Variants in CUX2 observed in about 807,000 individuals in gnomAD.
The protein encoded by CUX2 is homeobox protein cut-like 2.
CUX2 carries 40 observed loss-of-function variants against 144.8 expected under a neutral mutation model. The observed-to-expected ratio is 0.28, with a 90% CI of 0.21 to 0.36. The LOEUF is 0.36. Among genes scored for constraint, CUX2 ranks in the 10% least tolerant of loss-of-function variants. CUX2 has a pLI of 1.00. For synonymous variants in CUX2, 827 were observed against 875.6 expected (o/e 0.94, Z 0.98); for missense variants, 1,615 against 1,994.0 (o/e 0.81, Z 3.62).
At chr12:111,118,242 T>G (rs1874416712) in intron 1 of CUX2, among the ~76,000 whole-genome samples, 1 of 152,198 alleles carries the variant, frequency 6.6e-6, no homozygotes, top group African/African-American at 2.4e-5. Flanking sequence ...GTAATTATAT[T>G]TCAAACCAGG....
In CUX2 at chr12:111,217,788, C is replaced by T. The variant is rs1881628165; in HGVS notation, c.175-102C>T. 4 of 1,254,238 alleles carry T rather than the reference C, an allele frequency of 3.2e-6. No individual in the cohort carries two copies. The South Asian group carries it at 3.6e-5, about 11-fold the overall frequency. 77.7% of individuals were successfully genotyped at this position (1,254,238 alleles called of 1,614,324 possible). On this transcript the variant is annotated intron_variant, in intron 2 of 21. Coordinates refer to ENST00000261726, the MANE Select transcript of CUX2 (RefSeq NM_015267.4). ...TGGAGTTCAGGCCCCACGGGACATG[C>T]TTGGGAAATGCTGAGCCAGGGACAG...
rs1374839042 is a variant in CUX2 at position 111,293,042 on chromosome 12, G to A, written c.437-404G>A. On this transcript the variant is annotated intron_variant, in intron 5 of 21. Transcript: ENST00000261726. The surrounding 1 kb of genome is among the most constrained non-coding windows in gnomAD (Gnocchi z 4.5). ...GGAGGCTGAGGCGGGAGAATCGCTT[G>A]AACCCAGGAGGCAGAGGTTGCAGTA... Among the ~76,000 whole-genome samples, 1 of 151,920 alleles carries A rather than the reference G, an allele frequency of 6.6e-6. No individual in the cohort carries two copies. The highest frequency in any genetic ancestry group is 1.5e-5 in the Non-Finnish European group (1 of 68,028).
chr12:111,246,990 T>C lies in CUX2; in HGVS notation c.223-16771T>C, dbSNP rs1883310351. On this transcript the variant is annotated intron_variant, in intron 3 of 21. Coordinates refer to ENST00000261726, the MANE Select transcript of CUX2 (RefSeq NM_015267.4). This position sits in a 1 kb window ranked among gnomAD's most constrained non-coding sequence, Gnocchi z 4.0. ...ATAGGGCTGTGTACATCAAGGATCA[T>C]AATGATAATAAAATCAACATCTATT... 6.6e-6 allele frequency among the ~76,000 whole-genome samples: 1 copy of C among 152,228 alleles called. No individual in the cohort carries two copies. The highest frequency in any genetic ancestry group is 1.5e-5 in the Non-Finnish European group (1 of 68,044).
intron 1 of CUX2, among the ~76,000 whole-genome samples, chr12:111,110,453 A>T (rs1448134205): frequency 6.6e-6 from 1 of 152,084 alleles, no homozygotes; most frequent in Non-Finnish European, 1.5e-5. Flanking sequence ...AGAGTGACTC[A>T]AACATTAATA....
intron 3 of CUX2, among the ~76,000 whole-genome samples, chr12:111,260,309 A>C (rs1884048593): frequency 6.7e-6 from 1 of 149,392 alleles, no homozygotes; most frequent in Admixed American, 6.6e-5. Flanking sequence ...CTGAAAATAC[A>C]AAAAATTAGC....
intron 1 of CUX2, among the ~76,000 whole-genome samples, chr12:111,192,014 C>G (rs1879918281): frequency 6.6e-6 from 1 of 152,120 alleles, no homozygotes; most frequent in African/African-American, 2.4e-5. Context: ...TTATTGAGCA[C>G]CTTATCTTGG....
At chr12:111,118,913 C>T (rs561283195) in intron 1 of CUX2, among the ~76,000 whole-genome samples, 2 of 152,282 alleles carry the variant, frequency 1.3e-5, no homozygotes, top group East Asian at 3.9e-4. Context: ...CAACTCCAAG[C>T]AAACTCAGTG....
rs1057495759 is a variant in CUX2 at position 111,277,990 on chromosome 12, G to A, written c.302-13428G>A. On this transcript the variant is annotated intron_variant, in intron 4 of 21. Coordinates refer to ENST00000261726, the MANE Select transcript of CUX2 (RefSeq NM_015267.4). This position sits in a 1 kb window ranked among gnomAD's most constrained non-coding sequence, Gnocchi z 5.0. ...ATTTCCTTGTCTTTTCCACCTTCTC[G>A]GGCTGGGGCTGCCTATGTTCCTTGG... 6.6e-6 allele frequency among the ~76,000 whole-genome samples: 1 copy of A among 152,194 alleles called. No homozygotes were observed. The highest frequency in any genetic ancestry group is 1.5e-5 in the Non-Finnish European group (1 of 68,032).
chr12:111,290,891 C>G (rs1885641478), intron 4 of CUX2, among the ~76,000 whole-genome samples: 1 of 146,078 alleles, frequency 6.8e-6, no homozygotes, highest in Non-Finnish European at 1.5e-5. Flanking sequence ...GAGATGGAGT[C>G]TTGCTCTATC....
intron 3 of CUX2, among the ~76,000 whole-genome samples, chr12:111,228,785 G>A (rs148362866): frequency 7.2e-5 from 11 of 152,172 alleles, no homozygotes; most frequent in Middle Eastern, 3.4e-3. Context: ...CAGCAGACCC[G>A]CACAGTTCAA....
intron 1 of CUX2, among the ~76,000 whole-genome samples, chr12:111,062,787 T>G (rs548735400): frequency 6.6e-6 from 1 of 152,280 alleles, no homozygotes; most frequent in South Asian, 2.1e-4. Context: ...GACTCCTGAG[T>G]TAGCCCAGTG....
rs772030077 is a variant in CUX2, at chr12:111,307,145, G to A, written c.1050+33G>A. 7.6e-5 allele frequency: 123 copies of A among 1,613,490 alleles called. No homozygotes were observed. The highest frequency in any genetic ancestry group is 9.5e-5 in the Non-Finnish European group (112 of 1,179,684). On this transcript the variant is annotated intron_variant, in intron 11 of 21. Coordinates refer to ENST00000261726, the MANE Select transcript of CUX2 (RefSeq NM_015267.4). This position sits in a 1 kb window ranked among gnomAD's most constrained non-coding sequence, Gnocchi z 4.1. Reference sequence around the variant, plus strand: ...CTGGGGAGGAGGCAGGCGGGCAGGCGGCCCCATGCAGAAGCACACAGACCA... The same window carrying A: ...CTGGGGAGGAGGCAGGCGGGCAGGCAGCCCCATGCAGAAGCACACAGACCA...
chr12:111,324,492 GTTTTGTTTTGT>G (rs796831715), intron 18 of CUX2, among the ~76,000 whole-genome samples: 20 of 151,062 alleles, frequency 1.3e-4, no homozygotes, highest in African/African-American at 4.9e-4. Flanking sequence ...TCTTTTTTTT[GTTTTGTTTTGT>G]TTTTGTTTTT....
At chr12:111,098,114 C>T (rs537242063) in intron 1 of CUX2, among the ~76,000 whole-genome samples, 4 of 152,036 alleles carry the variant, frequency 2.6e-5, no homozygotes, top group East Asian at 1.9e-4. Context: ...AGAACAGAGT[C>T]GGGAGCTGGG....
intron 12 of CUX2, 107 bp from the exon 13 acceptor site, chr12:111,308,178 T>A: frequency 8.3e-7 from 1 of 1,198,988 alleles, no homozygotes; most frequent in Non-Finnish European, 1.2e-6. Flanking sequence ...TTCTGGGGAA[T>A]GGAGCAGTCA....
intron 3 of CUX2, among the ~76,000 whole-genome samples, chr12:111,256,123 G>T (rs1592888646): frequency 6.6e-6 from 1 of 151,970 alleles, no homozygotes; most frequent in Non-Finnish European, 1.5e-5. Context: ...GCTTCCAGGG[G>T]TTCTCATCGC....
chr12:111,055,002 C>CA (rs1870452457), intron 1 of CUX2, among the ~76,000 whole-genome samples: 1 of 152,196 alleles, frequency 6.6e-6, no homozygotes, highest in African/African-American at 2.4e-5. Context: ...TGTGCAAGGC[C>CA]ACACAGCAGA....
In CUX2 at chr12:111,081,791, G is replaced by A. The variant is rs531759808; in HGVS notation, c.63+47551G>A. Among the ~76,000 whole-genome samples the A allele has an allele frequency of 7.2e-5, 11 of 152,336 alleles. No homozygotes were observed. The East Asian group carries it at 1.4e-3, about 19-fold the overall frequency. On this transcript the variant is annotated intron_variant, in intron 1 of 21. Coordinates refer to ENST00000261726, the MANE Select transcript of CUX2 (RefSeq NM_015267.4). The stretch of plus-strand genomic sequence containing the variant: ...ATAGGGCAGAAGATAAGCAGGTGCT[G>A]TTCTGTTCCCCTTGGACTTTTTAGT...
rs1436728069 is a variant in CUX2, at chr12:111,160,782, G to A, written c.64-53418G>A. ...AGATGGCTTGGACTTGGCCTTAGGA[G>A]TGGGGCTGATGGGGCTTGCGGTGAT... On this transcript the variant is annotated intron_variant, in intron 1 of 21. Transcript: ENST00000261726. The surrounding 1 kb of genome is among the most constrained non-coding windows in gnomAD (Gnocchi z 4.1). 1.3e-5 allele frequency among the ~76,000 whole-genome samples: 2 copies of A among 152,160 alleles called. No individual in the cohort carries two copies. Among genetic ancestry groups the A allele is most frequent in the African/African-American group, 4.8e-5 (2 of 41,436 alleles).
Sources: allele counts gnomAD v4.1 joint callset (sites outside exome capture counted in the v4.1 genomes callset), GRCh38; gene constraint gnomAD v4.1.1; non-coding constraint Gnocchi (gnomAD v3.1); transcripts MANE v1.5; gene names NCBI Gene and HGNC (gene_info 2026-07-23, HGNC 2026-07-21).